VPS53: variants seen among roughly 807,000 people sequenced by gnomAD.
The protein encoded by VPS53 is vacuolar protein sorting-associated protein 53 homolog.
Under a neutral mutation model 107.0 loss-of-function variants are expected in VPS53, and 70 were observed. The ratio of observed to expected loss-of-function variants is 0.65; its 90% CI spans 0.54 to 0.80. The LOEUF is 0.80. Ranked by LOEUF, VPS53 falls within the 30% of genes least tolerant of loss-of-function variation. VPS53 has a pLI of 0.00. For synonymous variants in VPS53, 409 were observed against 393.3 expected (o/e 1.04, Z -0.47); for missense variants, 917 against 1,049.4 (o/e 0.87, Z 1.74).
rs1908680632 is a variant in VPS53 at position 520,784 on chromosome 17, G to GCC, written c.2223+816_2223+817insGG. ...GGCAGCTTCACCCTCACCTACATGA[G>GCC]CTCTTCACCCTCACCTACATGAGCT... On this transcript the variant is annotated intron_variant, in intron 20 of 21. Coordinates refer to ENST00000437048, the MANE Select transcript of VPS53 (RefSeq NM_001128159.3). This position sits in a 1 kb window ranked among gnomAD's most constrained non-coding sequence, Gnocchi z 4.4. 6.7e-6 allele frequency among the ~76,000 whole-genome samples: 1 copy of GCC among 149,624 alleles called. No individual in the cohort carries two copies.
intron 1 of VPS53, 164 bp downstream of exon 1, chr17:714,459 T>A (rs1418251237): frequency 1.6e-6 from 1 of 633,516 alleles, no homozygotes; most frequent in African/African-American, 1.9e-5. Context: ...CCTTTCCTTC[T>A]GATTCAGAAA....
chr17:631,229 G>T, intron 8 of VPS53, among the ~76,000 whole-genome samples: 1 of 151,652 alleles, frequency 6.6e-6, no homozygotes, highest in South Asian at 2.1e-4. Context: ...TAAAAACACC[G>T]CGGCATGAAG....
At position 714,752 on chromosome 17, in the gene VPS53, T is replaced by C. The variant is rs776178413; in HGVS notation, c.-43A>G. 5 of 1,608,308 alleles carry C rather than the reference T, an allele frequency of 3.1e-6. No individual in the cohort carries two copies. Among genetic ancestry groups the C allele is most frequent in the Non-Finnish European group, 3.4e-6 (4 of 1,175,784 alleles). ...TGCCGACCCCCGCCGCGAGCCCAACTCAGGCCTCCAGCCGCCACCCAGGCC... is the reference window on the plus strand; with the variant it reads ...TGCCGACCCCCGCCGCGAGCCCAACCCAGGCCTCCAGCCGCCACCCAGGCC... On this transcript the variant is annotated 5_prime_UTR_variant, in exon 1 of 22. Transcript: ENST00000437048.
intron 15 of VPS53, among the ~76,000 whole-genome samples, chr17:555,730 G>GT (rs754992583): frequency 5.3e-5 from 8 of 152,192 alleles, no homozygotes; most frequent in Non-Finnish European, 7.3e-5. Context: ...CAAACATTAT[G>GT]TATCTTGATG....
chr17:569,736 T>C (rs986552643), intron 13 of VPS53, among the ~76,000 whole-genome samples: 1 of 151,922 alleles, frequency 6.6e-6, no homozygotes, highest in African/African-American at 2.4e-5. Context: ...CTGGCCAACA[T>C]GGTGAAACCC....
At chr17:528,240 T>G (rs74251919) in intron 19 of VPS53, among the ~76,000 whole-genome samples, 3,647 of 152,292 alleles carry the variant, frequency 0.024, 53 homozygotes, top group East Asian at 0.069. Flanking sequence ...CCCTTACCCA[T>G]TAGCAGCCAT....
chr17:642,580 G>GAAATCAAGGA (rs1401208715), intron 7 of VPS53, among the ~76,000 whole-genome samples: 2 of 149,328 alleles, frequency 1.3e-5, no homozygotes, highest in African/African-American at 2.5e-5. Context: ...CTCATACTTG[G>GAAATCAAGGA]CAACTGAGGA....
rs949122101 is a variant in VPS53 at position 520,926 on chromosome 17, A to C, written c.2223+675T>G. Reference sequence around the variant, plus strand: ...GCTGCTTCATCCTCACCCACATCCCACCGGTGTCTGAGGCCCTGCTGCCAC... The same window carrying C: ...GCTGCTTCATCCTCACCCACATCCCCCCGGTGTCTGAGGCCCTGCTGCCAC... On this transcript the variant is annotated intron_variant, in intron 20 of 21. Transcript: ENST00000437048. The surrounding 1 kb of genome is among the most constrained non-coding windows in gnomAD (Gnocchi z 4.4). Among the ~76,000 whole-genome samples, 1 of 151,308 alleles carries C rather than the reference A, an allele frequency of 6.6e-6. No individual in the cohort carries two copies.
chr17:513,794 C>T lies in VPS53; in HGVS notation c.*5334G>A, dbSNP rs1908105926. ...CATTTCCAGCAGGTTATTCCGAGTG[C>T]TCTTCCTAGCGAAGGAATCCCATTT... is the stretch of plus-strand genomic sequence containing the variant. On this transcript the variant is annotated 3_prime_UTR_variant, in exon 22 of 22. Coordinates refer to ENST00000437048, the MANE Select transcript of VPS53 (RefSeq NM_001128159.3). 2.2e-5 allele frequency: 3 copies of T among 135,486 alleles called. No homozygotes were observed. The highest frequency in any genetic ancestry group is 8.3e-5 in the African/African-American group (3 of 36,078). 8.4% of individuals were successfully genotyped at this position (135,486 alleles called of 1,614,324 possible).
chr17:593,249 G>A (rs1235203572), intron 12 of VPS53, among the ~76,000 whole-genome samples: 2 of 151,954 alleles, frequency 1.3e-5, no homozygotes, highest in African/African-American at 2.4e-5. Flanking sequence ...ATAGGCATGG[G>A]CAAGGACTTC....
intron 3 of VPS53, among the ~76,000 whole-genome samples, chr17:698,316 C>G (rs905896917): frequency 1.3e-5 from 2 of 151,800 alleles, no homozygotes; most frequent in African/African-American, 4.8e-5. Context: ...GCCTATAATT[C>G]CAGCTACTTG....
At chr17:629,770 A>G (rs187182362) in intron 8 of VPS53, among the ~76,000 whole-genome samples, 3 of 148,500 alleles carry the variant, frequency 2.0e-5, no homozygotes, top group Non-Finnish European at 4.5e-5. Flanking sequence ...CTCAAAAAAA[A>G]GAAAAGAAAA....
In VPS53 at chr17:524,158, G is replaced by C. The variant is rs1908952337; in HGVS notation, c.2086-2420C>G. 6.6e-6 allele frequency among the ~76,000 whole-genome samples: 1 copy of C among 152,146 alleles called. No individual in the cohort carries two copies. Among genetic ancestry groups the C allele is most frequent in the African/African-American group, 2.4e-5 (1 of 41,426 alleles). On this transcript the variant is annotated intron_variant, in intron 19 of 21. Coordinates refer to ENST00000437048, the MANE Select transcript of VPS53 (RefSeq NM_001128159.3). This position sits in a 1 kb window ranked among gnomAD's most constrained non-coding sequence, Gnocchi z 4.5. ...TACTAAAAATACAAAAATTAGCCGG[G>C]TGTGGTGGCGCATGCCTGTAATCCC...
chr17:611,713 C>A (rs978118366), intron 11 of VPS53, among the ~76,000 whole-genome samples: 8 of 152,190 alleles, frequency 5.3e-5, no homozygotes, highest in African/African-American at 1.7e-4. Context: ...ACAGTGAAAA[C>A]CTGTACAAAT....
At chr17:700,561 T>C (rs1364446347) in intron 2 of VPS53, among the ~76,000 whole-genome samples, 1 of 151,942 alleles carries the variant, frequency 6.6e-6, no homozygotes, top group Non-Finnish European at 1.5e-5. Context: ...CAAAAAAAAA[T>C]ATTTTCTTCT....
chr17:625,504 G>A (rs1969664647), intron 10 of VPS53, among the ~76,000 whole-genome samples: 1 of 149,460 alleles, frequency 6.7e-6, no homozygotes, highest in African/African-American at 2.4e-5. Context: ...CACACAGAAT[G>A]TATGTGAACA....
intron 12 of VPS53, among the ~76,000 whole-genome samples, chr17:591,801 G>C (rs573571938): frequency 1.3e-5 from 2 of 152,082 alleles, no homozygotes; most frequent in Non-Finnish European, 2.9e-5. Context: ...CAACTATGTG[G>C]TCAATTTTGG....
In VPS53 at chr17:548,848, A is replaced by G. The variant is rs1911542646; in HGVS notation, c.1866+3024T>C. Among the ~76,000 whole-genome samples the G allele has an allele frequency of 2.0e-5, 3 of 152,188 alleles. No homozygotes were observed. In the South Asian group the frequency reaches 6.2e-4, roughly 32 times the overall value. ...TTACTCATGTTTTCACCCTGTTTGAACTGCCCTACTAATCACAAACTCATT... is the reference window on the plus strand; with the variant it reads ...TTACTCATGTTTTCACCCTGTTTGAGCTGCCCTACTAATCACAAACTCATT... On this transcript the variant is annotated intron_variant, in intron 17 of 21. Coordinates refer to ENST00000437048, the MANE Select transcript of VPS53 (RefSeq NM_001128159.3).
At chr17:536,300 C>A (rs1454299385) in intron 18 of VPS53, 2 of 152,054 alleles carry the variant, frequency 1.3e-5, no homozygotes, top group African/African-American at 4.8e-5. Flanking sequence ...TAGATAAATT[C>A]TAGCAGCCAT....
Sources: allele counts gnomAD v4.1 joint callset (sites outside exome capture counted in the v4.1 genomes callset), GRCh38; gene constraint gnomAD v4.1.1; non-coding constraint Gnocchi (gnomAD v3.1); transcripts MANE v1.5; gene names NCBI Gene and HGNC (gene_info 2026-07-23, HGNC 2026-07-21).